Variants in ZNF676 observed in about 807,000 individuals in gnomAD.
ZNF676 encodes zinc finger protein 676.
A neutral mutation model predicts 6.0 loss-of-function variants in ZNF676; 4 were observed. The observed-to-expected ratio is 0.67, with a 90% CI of 0.33 to 1.53. The LOEUF (loss-of-function observed/expected upper bound fraction) is 1.53. Ranked by LOEUF, ZNF676 falls within the 40% of genes most tolerant of loss-of-function variation. The pLI, the probability that ZNF676 is intolerant of heterozygous loss-of-function variation, is 0.06. For synonymous variants in ZNF676, 198 were observed against 223.1 expected (o/e 0.89, Z 1.00); for missense variants, 644 against 679.7 (o/e 0.95, Z 0.58).
chr19:22,186,298 T>C (rs2023839050), intron 2 of ZNF676, among the ~76,000 whole-genome samples: 1 of 152,182 alleles, frequency 6.6e-6, no homozygotes, highest in South Asian at 2.1e-4. Context: ...TAAGCGAAGG[T>C]GAAATAAAAT....
At chr19:22,239,464 G>A in the ZNF676 span, among the ~76,000 whole-genome samples, 1 of 152,130 alleles carries the variant, frequency 6.6e-6, no homozygotes, top group Non-Finnish European at 1.5e-5. Context: ...ACAGGTGTAA[G>A]CCACTGTGCC....
At chr19:22,239,501 G>A in the ZNF676 span, among the ~76,000 whole-genome samples, 1 of 152,036 alleles carries the variant, frequency 6.6e-6, no homozygotes, top group South Asian at 2.1e-4. Context: ...TTTTTTTGGT[G>A]TGTGAGATTT....
At chr19:22,197,737 T>C (rs1470935844), upstream of ZNF676, among the ~76,000 whole-genome samples, 1 of 152,146 alleles carries the variant, frequency 6.6e-6, no homozygotes, top group Non-Finnish European at 1.5e-5. Context: ...AGATATTTAA[T>C]GATGAAGAGG....
At chr19:22,256,817 A>G in the ZNF676 span, among the ~76,000 whole-genome samples, 1 of 152,142 alleles carries the variant, frequency 6.6e-6, no homozygotes, top group East Asian at 1.9e-4. Context: ...ATGAAAAAAT[A>G]TATCTTAATA....
intron 2 of ZNF676, among the ~76,000 whole-genome samples, chr19:22,183,458 C>T (rs1420749131): frequency 6.6e-6 from 1 of 152,164 alleles, no homozygotes; most frequent in Non-Finnish European, 1.5e-5. Flanking sequence ...CTGCCTCACA[C>T]TCCCGAGTAG....
At chr19:22,249,278 A>G in the ZNF676 span, among the ~76,000 whole-genome samples, 1 of 152,188 alleles carries the variant, frequency 6.6e-6, no homozygotes, top group Non-Finnish European at 1.5e-5. Flanking sequence ...AGGGCTAAAG[A>G]GTTGTTTTAA....
rs191949113 is a variant in ZNF676 at position 22,205,022 on chromosome 19, G to A, written c.4-8296C>T. On this transcript the variant is annotated intron_variant, in intron 1 of 3. Coordinates refer to the ZNF676 transcript ENST00000650058. Reference sequence around the variant, plus strand: ...CTCATTTATATTTTCTCTTACAAAAGCCAGGTCTCTGGACAAGTTCTTGAA... The same window carrying A: ...CTCATTTATATTTTCTCTTACAAAAACCAGGTCTCTGGACAAGTTCTTGAA... Among the ~76,000 whole-genome samples the A allele has an allele frequency of 3.6e-4, 54 of 152,072 alleles. No homozygotes were observed. The East Asian group carries it at 7.5e-3, about 21-fold the overall frequency.
chr19:22,215,241 G>A (rs1023178216), intron 1 of ZNF676, among the ~76,000 whole-genome samples: 1 of 151,800 alleles, frequency 6.6e-6, no homozygotes, highest in African/African-American at 2.4e-5. Context: ...TTTTTTCGGC[G>A]ACTTCCATAA....
the ZNF676 span, among the ~76,000 whole-genome samples, chr19:22,232,329 A>C: frequency 6.6e-6 from 1 of 151,822 alleles, no homozygotes; most frequent in African/African-American, 2.4e-5. Flanking sequence ...TACCACCCCC[A>C]GCTAATTTTT....
At chr19:22,228,753 C>A in the ZNF676 span, among the ~76,000 whole-genome samples, 1 of 152,146 alleles carries the variant, frequency 6.6e-6, no homozygotes, top group African/African-American at 2.4e-5. Context: ...CTCCCATTCA[C>A]AATTGCTACA....
chr19:22,252,565 C>CA, the ZNF676 span, among the ~76,000 whole-genome samples: 1 of 152,166 alleles, frequency 6.6e-6, no homozygotes, highest in Non-Finnish European at 1.5e-5. Flanking sequence ...CAGTATGTCC[C>CA]AATACCCCTT....
the ZNF676 span, among the ~76,000 whole-genome samples, chr19:22,248,331 A>T: frequency 2.6e-5 from 4 of 152,228 alleles, no homozygotes; most frequent in Admixed American, 6.5e-5. Flanking sequence ...ACAGTCTTCT[A>T]TAATGGTTGA....
upstream of ZNF676, among the ~76,000 whole-genome samples, chr19:22,201,607 C>A (rs2024026257): frequency 6.6e-6 from 1 of 151,786 alleles, no homozygotes; most frequent in Non-Finnish European, 1.5e-5. Context: ...AAAGCTGACA[C>A]AACATGAACA....
the ZNF676 span, among the ~76,000 whole-genome samples, chr19:22,237,706 G>C: frequency 2.0e-5 from 3 of 152,306 alleles, no homozygotes; most frequent in Non-Finnish European, 1.5e-5. Context: ...GCATCAGAAA[G>C]GGGATGTTGC....
At chr19:22,245,691 A>C in the ZNF676 span, among the ~76,000 whole-genome samples, 3 of 152,176 alleles carry the variant, frequency 2.0e-5, no homozygotes, top group Non-Finnish European at 4.4e-5. Context: ...TCAGGGAAAT[A>C]AAAAGAGTCA....
chr19:22,246,925 G>C, the ZNF676 span, among the ~76,000 whole-genome samples: 5 of 152,132 alleles, frequency 3.3e-5, no homozygotes, highest in Admixed American at 3.3e-4. Flanking sequence ...AGCTTTTTTT[G>C]TTTGTTTGTT....
the ZNF676 span, among the ~76,000 whole-genome samples, chr19:22,228,396 TCA>T: frequency 6.6e-6 from 1 of 152,210 alleles, no homozygotes; most frequent in Non-Finnish European, 1.5e-5. Flanking sequence ...ACAGTTAATG[TCA>T]TACTGAATGG....
the ZNF676 span, among the ~76,000 whole-genome samples, chr19:22,230,642 C>T: frequency 6.7e-6 from 1 of 148,570 alleles, no homozygotes; most frequent in Admixed American, 6.8e-5. Context: ...TGTATGTGTA[C>T]ATATATATGT....
the ZNF676 span, among the ~76,000 whole-genome samples, chr19:22,221,028 ATTGTT>A: frequency 6.6e-6 from 1 of 151,906 alleles, no homozygotes; most frequent in Non-Finnish European, 1.5e-5. Context: ...TAACTAGCTT[ATTGTT>A]TTATCTTTTA....
Sources: gnomAD v4.1 joint callset for allele counts (sites outside exome capture counted in the v4.1 genomes callset) on GRCh38, gnomAD v4.1.1 for gene constraint, MANE v1.5 for transcripts, NCBI Gene and HGNC (gene_info 2026-07-23, HGNC 2026-07-21) for gene names.